The following DNAH11 variants were observed in gnomAD, a reference collection of about 807,000 sequenced individuals.
DNAH11 encodes axonemal beta dynein heavy chain 11.
In DNAH11, 442 loss-of-function variants were observed where a neutral mutation model predicts 526.0. The ratio of observed to expected loss-of-function variants is 0.84; its 90% CI spans 0.78 to 0.91. DNAH11 has a LOEUF of 0.91. Ranked by LOEUF, DNAH11 falls within the 40% of genes least tolerant of loss-of-function variation. The pLI, the probability that DNAH11 is intolerant of heterozygous loss-of-function variation, is 0.00. For missense variants in DNAH11, 6,989 were observed against 5,448.7 expected, an observed-to-expected ratio of 1.28 and a Z score of -8.90; for synonymous variants, 2,461 against 1,935.9, an observed-to-expected ratio of 1.27 and a Z score of -7.12.
intron 54 of DNAH11, among the ~76,000 whole-genome samples, chr7:21,761,005 T>G (rs1170394250): frequency 2.0e-5 from 3 of 152,218 alleles, no homozygotes; most frequent in African/African-American, 7.2e-5. Context: ...TTATGGGAAA[T>G]ATAATGGGAA....
chr7:21,803,032 G>A (rs1029720282), intron 62 of DNAH11, among the ~76,000 whole-genome samples: 6 of 151,626 alleles, frequency 4.0e-5, no homozygotes, highest in Non-Finnish European at 8.8e-5. Context: ...TCTCAATAAA[G>A]CAGTTACTTT....
In DNAH11 at chr7:21,779,829, T is replaced by A. The variant is rs1583686699; in HGVS notation, c.9483+725T>A. Among the ~76,000 whole-genome samples, 3 of 152,176 alleles carry A rather than the reference T, an allele frequency of 2.0e-5. No homozygotes were observed. The South Asian group carries it at 6.2e-4, about 31-fold the overall frequency. On this transcript the variant is annotated intron_variant, in intron 57 of 81. Coordinates refer to ENST00000409508, the MANE Select transcript of DNAH11 (RefSeq NM_001277115.2). ...TACTTGTTTAAAAATTGAGTGTATA[T>A]GTGTAAGGTAAAAAATTCTTATTTT...
intron 30 of DNAH11, among the ~76,000 whole-genome samples, chr7:21,664,861 C>T (rs73061705): frequency 0.092 from 14,025 of 152,142 alleles, 685 homozygotes; most frequent in South Asian, 0.12. Flanking sequence ...TTCAACATCT[C>T]AGTCCCAACT....
chr7:21,558,508 C>A (rs748209169), intron 2 of DNAH11, among the ~76,000 whole-genome samples: 3 of 152,180 alleles, frequency 2.0e-5, no homozygotes, highest in Non-Finnish European at 4.4e-5. Flanking sequence ...GGGCAGTTTA[C>A]CTACTTGACA....
chr7:21,866,493 T>C lies in DNAH11; in HGVS notation c.11520T>C (p.Phe3840=), dbSNP rs1344683536. ...AIKAIAVMEE[F]RGIDRDVEGS... ...AGGCAATTGCCGTCATGGAAGAATT[T>C]CGAGGCATAGACCGAGATGTGGAAG... The change falls in exon 71 of 82, where the codon TTT becomes TTC. Residue 3840 remains phenylalanine, a synonymous_variant. Coordinates refer to ENST00000409508, the MANE Select transcript of DNAH11 (RefSeq NM_001277115.2). 6.2e-7 allele frequency: 1 copy of C among 1,611,716 alleles called. No individual in the cohort carries two copies. Among genetic ancestry groups the C allele is most frequent in the East Asian group, 2.2e-5 (1 of 44,870 alleles).
intron 42 of DNAH11, among the ~76,000 whole-genome samples, chr7:21,714,600 C>G (rs1784581320): frequency 6.6e-6 from 1 of 152,106 alleles, no homozygotes; most frequent in African/African-American, 2.4e-5. Flanking sequence ...ACCCAATTTT[C>G]CAAGCGAATC....
In DNAH11 at chr7:21,842,569, T is replaced by C. The variant is rs765629074; in HGVS notation, c.10717T>C (p.Cys3573Arg). ...GTATATCAGGATTGGAGATAAAGAA[T>C]GTGAATTTAACAAGAACTTTCGCCT... is the stretch of plus-strand genomic sequence containing the variant. The part of the protein sequence containing the change: ...GKYIRIGDKE[C>R]EFNKNFRLIL... The change falls in exon 66 of 82, where the codon TGT becomes CGT. Residue 3573 changes from cysteine (C) to arginine (R), a missense_variant. By Grantham distance (180) the Cys-to-Arg change is radical. Coordinates refer to ENST00000409508, the MANE Select transcript of DNAH11 (RefSeq NM_001277115.2). 3.1e-6 allele frequency: 5 copies of C among 1,613,954 alleles called. No homozygotes were observed. The East Asian group carries it at 6.7e-5, about 22-fold the overall frequency.
At chr7:21,637,765 C>T in intron 27 of DNAH11, 63 bp downstream of exon 27, 1 of 1,024,194 alleles carries the variant, frequency 9.8e-7, no homozygotes, top group South Asian at 2.0e-5. Flanking sequence ...TTTTCACATA[C>T]CTAATAGTAT....
Position 21,591,500 on chromosome 7 carries a change from G to A in DNAH11, c.2590G>A (p.Glu864Lys). ...CAGACGAGAGGCAGCCTTCACCTTG[G>A]AGGACAAGGGTGATTTGTTTACAAA... ...EHRREAAFTLEDKGDLFTKKY... is the reference protein window; with the variant it reads ...EHRREAAFTLKDKGDLFTKKY... The change falls in exon 14 of 82, where the codon GAG becomes AAG. Residue 864 changes from glutamate to lysine, a missense_variant. Physicochemically the swap from Glu to Lys is moderately conservative, Grantham distance 56 (BLOSUM62 1). Transcript: ENST00000409508. 6.2e-7 allele frequency: 1 copy of A among 1,608,370 alleles called. No homozygotes were observed. Among genetic ancestry groups the A allele is most frequent in the Non-Finnish European group, 8.5e-7 (1 of 1,175,812 alleles).
chr7:21,831,642 A>G (rs1781774199), intron 65 of DNAH11, among the ~76,000 whole-genome samples: 1 of 152,060 alleles, frequency 6.6e-6, no homozygotes, highest in Non-Finnish European at 1.5e-5. Context: ...AATAACACCT[A>G]TTCCCCAAGC....
chr7:21,866,709 G>A, intron 71 of DNAH11, 46 bp downstream of exon 71: 7 of 1,547,026 alleles, frequency 4.5e-6, no homozygotes, highest in Non-Finnish European at 6.1e-6. Flanking sequence ...TTAACATAGA[G>A]GAAATGTAGT....
At chr7:21,624,601 A>G (rs758295379) in intron 25 of DNAH11, among the ~76,000 whole-genome samples, 10 of 152,140 alleles carry the variant, frequency 6.6e-5, no homozygotes, top group South Asian at 2.1e-4. Context: ...GAATAGAAGC[A>G]TGAGAGTGGG....
At chr7:21,823,190 C>G (rs952431278) in intron 65 of DNAH11, among the ~76,000 whole-genome samples, 1 of 151,956 alleles carries the variant, frequency 6.6e-6, no homozygotes, top group African/African-American at 2.4e-5. Context: ...TCCCCAAAAT[C>G]TTTTAACAAG....
intron 30 of DNAH11, among the ~76,000 whole-genome samples, chr7:21,664,134 G>GTTTTTTT (rs5882820): frequency 7.6e-5 from 10 of 131,362 alleles, no homozygotes; most frequent in African/African-American, 2.6e-4. Context: ...ATTTCCCAAA[G>GTTTTTTT]TTTTTTTTTT....
intron 73 of DNAH11, among the ~76,000 whole-genome samples, chr7:21,872,491 C>T (rs185758057): frequency 1.3e-5 from 2 of 152,226 alleles, no homozygotes; most frequent in Non-Finnish European, 2.9e-5. Flanking sequence ...CTGGGTGTGA[C>T]ATTTCAATTA....
intron 65 of DNAH11, among the ~76,000 whole-genome samples, chr7:21,821,173 G>C (rs1477555349): frequency 6.6e-6 from 1 of 152,164 alleles, no homozygotes; most frequent in Non-Finnish European, 1.5e-5. Context: ...TTTATGGAGA[G>C]ATGTATATAG....
chr7:21,667,161 G>A (rs549374803), intron 30 of DNAH11, among the ~76,000 whole-genome samples: 47 of 152,120 alleles, frequency 3.1e-4, no homozygotes, highest in Non-Finnish European at 1.6e-4. Context: ...ATGGATAACT[G>A]TAGCAGCTTC....
intron 45 of DNAH11, among the ~76,000 whole-genome samples, chr7:21,728,882 T>A (rs1445509924): frequency 6.6e-6 from 1 of 152,222 alleles, no homozygotes; most frequent in Non-Finnish European, 1.5e-5. Flanking sequence ...TTCAAAATAA[T>A]CTTCTTTGGC....
At chr7:21,632,648 A>G (rs1786670275) in intron 25 of DNAH11, among the ~76,000 whole-genome samples, 1 of 152,298 alleles carries the variant, frequency 6.6e-6, no homozygotes, top group African/African-American at 2.4e-5. Context: ...GTTCCCAACA[A>G]GTTTTTCATC....
Sources: allele counts gnomAD v4.1 joint callset (sites outside exome capture counted in the v4.1 genomes callset), GRCh38; gene constraint gnomAD v4.1.1; transcripts MANE v1.5; gene names NCBI Gene and HGNC (gene_info 2026-07-23, HGNC 2026-07-21).